The following RPA3 variants were observed in gnomAD, a reference collection of about 807,000 sequenced individuals.
The protein encoded by RPA3 is replication protein A3, also known as replication protein A 14 kDa subunit.
Under a neutral mutation model 13.7 loss-of-function variants are expected in RPA3, and 24 were observed. The observed-to-expected ratio is 1.75, with a 90% CI of 1.27 to 2.46. The LOEUF is 2.46. RPA3 is among the 30% of genes most tolerant of loss of function. RPA3 has a pLI of 0.00. For missense variants in RPA3, 183 were observed against 151.0 expected (o/e 1.21, Z -1.11); for synonymous variants, 59 against 51.2 (o/e 1.15, Z -0.65).
chr7:7,643,873 C>T (rs146743054), intron 4 of RPA3, among the ~76,000 whole-genome samples: 1 of 152,104 alleles, frequency 6.6e-6, no homozygotes, highest in African/African-American at 2.4e-5. Flanking sequence ...CATTCCTGCT[C>T]TGGAACTTGC....
Position 7,642,287 on chromosome 7 carries a change from A to G in RPA3, c.-757-1112T>C, listed in dbSNP as rs547758793. Reference sequence around the variant, plus strand: ...GTAGCTGGGACTATAAGCACATACCACCACACCCAGCTAATAAAGATTTTT... The same window carrying G: ...GTAGCTGGGACTATAAGCACATACCGCCACACCCAGCTAATAAAGATTTTT... On this transcript the variant is annotated intron_variant, in intron 4 of 7. Transcript: ENST00000223129. 4.0e-5 allele frequency among the ~76,000 whole-genome samples: 6 copies of G among 151,370 alleles called. No homozygotes were observed. The South Asian group carries it at 1.3e-3, about 32-fold the overall frequency.
At chr7:7,647,966 G>A (rs1785135059) in intron 4 of RPA3, among the ~76,000 whole-genome samples, 1 of 152,128 alleles carries the variant, frequency 6.6e-6, no homozygotes, top group African/African-American at 2.4e-5. Context: ...CTGTGTTTTG[G>A]TTAGAATTTA....
chr7:7,648,160 C>G (rs1046298032), intron 4 of RPA3, among the ~76,000 whole-genome samples: 7 of 152,150 alleles, frequency 4.6e-5, no homozygotes, highest in South Asian at 2.1e-4. Flanking sequence ...TTAAAGAAGT[C>G]ATTTCGTTCT....
chr7:7,685,621 T>C (rs1780026485), intron 4 of RPA3, among the ~76,000 whole-genome samples: 1 of 152,196 alleles, frequency 6.6e-6, no homozygotes. Context: ...TTAATCTTTA[T>C]AAATGTGAAT....
chr7:7,715,924 TA>T (rs1290780851), intron 1 of RPA3, among the ~76,000 whole-genome samples: 2 of 152,240 alleles, frequency 1.3e-5, no homozygotes, highest in African/African-American at 4.8e-5. Context: ...AACTATCACT[TA>T]AAAAATCCTT....
Position 7,674,803 on chromosome 7 carries a change from C to G in RPA3, c.-758+11027G>C, listed in dbSNP as rs1026027571. 5.3e-5 allele frequency among the ~76,000 whole-genome samples: 8 copies of G among 152,116 alleles called. No homozygotes were observed. In the South Asian group the frequency reaches 1.7e-3, roughly 32 times the overall value. ...CTTTTTTCACACTTCTTGAATTAGC[C>G]TCGCTAACAGAAAACTTCAGGGGTA... is the stretch of plus-strand genomic sequence containing the variant. On this transcript the variant is annotated intron_variant, in intron 4 of 7. Coordinates refer to ENST00000223129, the MANE Select transcript of RPA3 (RefSeq NM_002947.5).
At chr7:7,658,586 T>A (rs1438614061) in intron 4 of RPA3, among the ~76,000 whole-genome samples, 1 of 152,226 alleles carries the variant, frequency 6.6e-6, no homozygotes, top group Admixed American at 6.5e-5. Context: ...TTTTTGTCAT[T>A]GACTCTGTTT....
chr7:7,644,281 T>C (rs1785045431), intron 4 of RPA3, among the ~76,000 whole-genome samples: 1 of 152,084 alleles, frequency 6.6e-6, no homozygotes, highest in African/African-American at 2.4e-5. Flanking sequence ...AGCTTTTTAT[T>C]AGTGAGATAT....
chr7:7,659,806 G>A (rs980673504), intron 4 of RPA3, among the ~76,000 whole-genome samples: 1 of 152,140 alleles, frequency 6.6e-6, no homozygotes, highest in Non-Finnish European at 1.5e-5. Context: ...TTCTGTAGAT[G>A]TTTATTAGGT....
chr7:7,697,935 G>A (rs1275437108), intron 2 of RPA3, among the ~76,000 whole-genome samples: 2 of 152,122 alleles, frequency 1.3e-5, no homozygotes, highest in South Asian at 4.1e-4. Context: ...ACCTTCATGA[G>A]GGCTGTGAAA....
intron 2 of RPA3, among the ~76,000 whole-genome samples, chr7:7,701,983 G>C (rs1285638041): frequency 6.6e-6 from 1 of 152,148 alleles, no homozygotes; most frequent in Admixed American, 6.6e-5. Context: ...TTCCAAATAA[G>C]AGTGGCTCAT....
At chr7:7,654,117 A>G (rs1394546725) in intron 4 of RPA3, among the ~76,000 whole-genome samples, 1 of 152,204 alleles carries the variant, frequency 6.6e-6, no homozygotes, top group Non-Finnish European at 1.5e-5. Flanking sequence ...GATTCTGAAA[A>G]CCATAGGACC....
intron 4 of RPA3, among the ~76,000 whole-genome samples, chr7:7,680,955 G>A (rs370460048): frequency 5.5e-4 from 84 of 152,024 alleles, no homozygotes; most frequent in African/African-American, 1.9e-3. Flanking sequence ...GCATACACAT[G>A]TATCATGGTT....
intron 4 of RPA3, among the ~76,000 whole-genome samples, chr7:7,675,149 G>T (rs1002903040): frequency 1.3e-5 from 2 of 152,166 alleles, no homozygotes; most frequent in African/African-American, 4.8e-5. Context: ...ACAGGCATGA[G>T]CCACCACGTC....
chr7:7,691,305 C>G (rs1307278780), intron 2 of RPA3, among the ~76,000 whole-genome samples: 1 of 152,134 alleles, frequency 6.6e-6, no homozygotes, highest in African/African-American at 2.4e-5. Flanking sequence ...CTGATAATAT[C>G]TACTTTTATA....
intron 4 of RPA3, chr7:7,641,462 C>G (rs758938869): frequency 6.6e-6 from 1 of 152,208 alleles, no homozygotes; most frequent in South Asian, 2.1e-4. Flanking sequence ...TTTGCAAGGT[C>G]CCAGTTGACT....
At chr7:7,710,498 A>G (rs1484510682) in intron 2 of RPA3, among the ~76,000 whole-genome samples, 2 of 152,236 alleles carry the variant, frequency 1.3e-5, no homozygotes, top group Non-Finnish European at 2.9e-5. Flanking sequence ...AATTAAAACC[A>G]TAATGATAGG....
intron 4 of RPA3, among the ~76,000 whole-genome samples, chr7:7,673,772 T>G (rs977082364): frequency 2.0e-5 from 3 of 152,116 alleles, no homozygotes; most frequent in African/African-American, 7.2e-5. Context: ...ATTCAAGTTC[T>G]GTCTTATAAA....
intron 4 of RPA3, among the ~76,000 whole-genome samples, chr7:7,685,407 TC>T (rs1246423201): frequency 6.6e-6 from 1 of 151,870 alleles, no homozygotes; most frequent in Non-Finnish European, 1.5e-5. Flanking sequence ...CCTCATGGGT[TC>T]AAGCGATTCT....
Sources: gnomAD v4.1 joint callset for allele counts (sites outside exome capture counted in the v4.1 genomes callset) on GRCh38, gnomAD v4.1.1 for gene constraint, MANE v1.5 for transcripts, NCBI Gene and HGNC (gene_info 2026-07-23, HGNC 2026-07-21) for gene names.